DNAH11: variants seen among roughly 807,000 people sequenced by gnomAD.
DNAH11 encodes the protein dynein axonemal heavy chain 11.
DNAH11 carries 442 observed loss-of-function variants against 526.0 expected under a neutral mutation model. That is an observed-to-expected ratio of 0.84 (90% CI 0.78 to 0.91). The LOEUF (loss-of-function observed/expected upper bound fraction) is 0.91, where lower values mean the gene tolerates loss of function less well. DNAH11 is among the 40% of genes least tolerant of loss of function. The pLI is 0.00. For synonymous variants in DNAH11, 2,461 were observed against 1,935.9 expected (o/e 1.27, Z -7.12); for missense variants, 6,989 against 5,448.7 (o/e 1.28, Z -8.90).
At chr7:21,609,978 G>T (rs1785450447) in intron 20 of DNAH11, among the ~76,000 whole-genome samples, 1 of 152,192 alleles carries the variant, frequency 6.6e-6, no homozygotes, top group South Asian at 2.1e-4. Flanking sequence ...AAAGGGGCCG[G>T]GCGCGGTGGC....
At chr7:21,554,198 A>C (rs1323596634) in intron 2 of DNAH11, among the ~76,000 whole-genome samples, 1 of 137,260 alleles carries the variant, frequency 7.3e-6, no homozygotes, top group Admixed American at 7.5e-5. Context: ...TTTTTAGGGG[A>C]AGTCTCACTC....
chr7:21,875,284 A>T (rs1049392268), intron 74 of DNAH11, among the ~76,000 whole-genome samples: 1 of 152,214 alleles, frequency 6.6e-6, no homozygotes, highest in Non-Finnish European at 1.5e-5. Flanking sequence ...CCCAAAGTAC[A>T]TACAAAGAGG....
intron 44 of DNAH11, among the ~76,000 whole-genome samples, chr7:21,723,394 A>C (rs545212159): frequency 1.3e-5 from 2 of 152,350 alleles, no homozygotes; most frequent in African/African-American, 2.4e-5. Context: ...CTCAGGACCT[A>C]TGTTCTTCAG....
intron 2 of DNAH11, 125 bp downstream of exon 2, chr7:21,545,274 T>TAAAAAAAAAAAAAAAAA (rs10634177): frequency 3.3e-5 from 4 of 120,222 alleles, no homozygotes; most frequent in African/African-American, 1.6e-4. Context: ...TGGGGGTGGT[T>TAAAAAAAAAAAAAAAAA]AAAAAAAAAA....
At chr7:21,753,733 C>A (rs1333511992) in intron 54 of DNAH11, among the ~76,000 whole-genome samples, 1 of 152,126 alleles carries the variant, frequency 6.6e-6, no homozygotes, top group Admixed American at 6.6e-5. Flanking sequence ...AAAGCTTTAT[C>A]ATTTATTTTC....
chr7:21,652,407 A>G (rs537237952), intron 28 of DNAH11, among the ~76,000 whole-genome samples: 1 of 152,374 alleles, frequency 6.6e-6, no homozygotes, highest in South Asian at 2.1e-4. Flanking sequence ...GAGTTTGTCA[A>G]GGCAGAGAAA....
intron 25 of DNAH11, among the ~76,000 whole-genome samples, chr7:21,623,413 C>T (rs1786173491): frequency 6.6e-6 from 1 of 152,194 alleles, no homozygotes; most frequent in Non-Finnish European, 1.5e-5. Context: ...GTGGCAATTC[C>T]TCAGGGATCT....
chr7:21,695,804 A>G (rs1361300547), intron 35 of DNAH11, among the ~76,000 whole-genome samples: 1 of 152,212 alleles, frequency 6.6e-6, no homozygotes, highest in Admixed American at 6.5e-5. Flanking sequence ...GTGAACAAGC[A>G]ACCTACAGAA....
chr7:21,568,603 C>T (rs910172687), intron 6 of DNAH11, among the ~76,000 whole-genome samples: 3 of 152,174 alleles, frequency 2.0e-5, no homozygotes, highest in African/African-American at 7.2e-5. Context: ...GGAGGCCTTA[C>T]TCAACAGTGG....
chr7:21,895,449 T>C (rs1315670453), intron 79 of DNAH11, among the ~76,000 whole-genome samples: 2 of 152,204 alleles, frequency 1.3e-5, no homozygotes, highest in South Asian at 2.1e-4. Context: ...GTATGCAGTA[T>C]GCAGTAAACT....
At chr7:21,807,353 G>T (rs1038883288) in intron 62 of DNAH11, among the ~76,000 whole-genome samples, 3 of 152,144 alleles carry the variant, frequency 2.0e-5, no homozygotes, top group Non-Finnish European at 4.4e-5. Context: ...ACAAAAATTT[G>T]CCAGGCGTGG....
chr7:21,637,471 T>A, intron 26 of DNAH11, 140 bp from the exon 27 acceptor site: 5 of 641,696 alleles, frequency 7.8e-6, no homozygotes, highest in Non-Finnish European at 1.4e-5. Flanking sequence ...AGTAAACAGA[T>A]GTGGTGTCAG....
chr7:21,837,616 A>G (rs1203259683), intron 65 of DNAH11, among the ~76,000 whole-genome samples: 1 of 152,114 alleles, frequency 6.6e-6, no homozygotes, highest in Non-Finnish European at 1.5e-5. Flanking sequence ...TGGTTACAAA[A>G]TTGCCCGTTG....
At chr7:21,759,426 A>T (rs1015728935) in intron 54 of DNAH11, among the ~76,000 whole-genome samples, 1 of 152,148 alleles carries the variant, frequency 6.6e-6, no homozygotes, top group Non-Finnish European at 1.5e-5. Context: ...AACAAATTGA[A>T]ATTGAAAGGT....
chr7:21,622,110 C>G (rs971642880), intron 25 of DNAH11, among the ~76,000 whole-genome samples: 1 of 152,106 alleles, frequency 6.6e-6, no homozygotes, highest in Non-Finnish European at 1.5e-5. Flanking sequence ...TGATAAGCAA[C>G]TTCAGCAAAG....
chr7:21,566,866 A>G (rs571611365), intron 6 of DNAH11, among the ~76,000 whole-genome samples: 14 of 152,292 alleles, frequency 9.2e-5, no homozygotes, highest in African/African-American at 3.4e-4. Context: ...AAACTTATAT[A>G]TATTTATACA....
intron 30 of DNAH11, among the ~76,000 whole-genome samples, chr7:21,664,572 C>T (rs1782355572): frequency 6.6e-6 from 1 of 152,024 alleles, no homozygotes; most frequent in African/African-American, 2.4e-5. Flanking sequence ...AAACCTCCCG[C>T]CTCATGTTCC....
chr7:21,814,152 C>T (rs1789661905), intron 63 of DNAH11, among the ~76,000 whole-genome samples: 1 of 151,966 alleles, frequency 6.6e-6, no homozygotes, highest in Non-Finnish European at 1.5e-5. Context: ...AAAAGATATA[C>T]AAAAAATATA....
At chr7:21,747,719 G>A (rs1786211708) in intron 51 of DNAH11, among the ~76,000 whole-genome samples, 1 of 152,170 alleles carries the variant, frequency 6.6e-6, no homozygotes, top group Admixed American at 6.5e-5. Flanking sequence ...TTCTACAATG[G>A]TGTAGTTACA....
Sources: allele counts gnomAD v4.1 joint callset (sites outside exome capture counted in the v4.1 genomes callset), GRCh38; gene constraint gnomAD v4.1.1; transcripts MANE v1.5; gene names NCBI Gene and HGNC (gene_info 2026-07-23, HGNC 2026-07-21).